The following PPCDC variants were observed in gnomAD, a reference collection of about 807,000 sequenced individuals.
PPCDC encodes the protein phosphopantothenoylcysteine decarboxylase.
A neutral mutation model predicts 20.7 loss-of-function variants in PPCDC; 20 were observed. The ratio of observed to expected loss-of-function variants is 0.97; its 90% CI spans 0.68 to 1.41. PPCDC has a LOEUF of 1.41. Ranked by LOEUF, PPCDC falls within the 40% of genes most tolerant of loss-of-function variation. The pLI, the probability that PPCDC is intolerant of heterozygous loss-of-function variation, is 0.00. For missense variants in PPCDC, 246 were observed against 263.8 expected, an observed-to-expected ratio of 0.93 and a Z score of 0.47; for synonymous variants, 88 against 100.3, an observed-to-expected ratio of 0.88 and a Z score of 0.73.
intron 2 of PPCDC, among the ~76,000 whole-genome samples, chr15:75,034,905 A>G (rs2066067111): frequency 6.6e-6 from 1 of 152,118 alleles, no homozygotes; most frequent in Non-Finnish European, 1.5e-5. Context: ...CTTTTCTTGT[A>G]TATGCCAGAG....
At chr15:75,025,230 G>C (rs2065947388) in intron 1 of PPCDC, among the ~76,000 whole-genome samples, 1 of 152,194 alleles carries the variant, frequency 6.6e-6, no homozygotes, top group Non-Finnish European at 1.5e-5. Flanking sequence ...CCGGTAGTGA[G>C]GGGCTTTGAT....
At chr15:75,035,582 A>G (rs145331250) in intron 2 of PPCDC, among the ~76,000 whole-genome samples, 22 of 152,224 alleles carry the variant, frequency 1.4e-4, no homozygotes, top group Admixed American at 1.4e-3. Flanking sequence ...TACATGCTAG[A>G]TAAAATGCAG....
At chr15:75,035,835 C>T (rs758408303) in intron 2 of PPCDC, among the ~76,000 whole-genome samples, 1 of 151,796 alleles carries the variant, frequency 6.6e-6, no homozygotes, top group Non-Finnish European at 1.5e-5. Flanking sequence ...GGCGTGGTGG[C>T]GCACAACTGT....
At chr15:75,025,932 A>G (rs868819301) in intron 1 of PPCDC, among the ~76,000 whole-genome samples, 1 of 152,208 alleles carries the variant, frequency 6.6e-6, no homozygotes, top group South Asian at 2.1e-4. Flanking sequence ...TATTAAGCAC[A>G]CACATACACA....
At chr15:75,043,228 G>A in intron 2 of PPCDC, 2 of 497,204 alleles carry the variant, frequency 4.0e-6, no homozygotes, top group Admixed American at 7.9e-5. Flanking sequence ...AGATAGGGAA[G>A]TGAAACAGCC....
Position 75,044,251 on chromosome 15 carries a change from T to G in PPCDC, c.232-135T>G. 4.7e-6 allele frequency: 6 copies of G among 1,285,260 alleles called. No individual in the cohort carries two copies. The South Asian group carries it at 7.9e-5, about 17-fold the overall frequency. 79.6% of individuals were successfully genotyped at this position (1,285,260 alleles called of 1,614,324 possible). A position where few individuals can be genotyped will look rare whatever the true frequency, so the allele number is the denominator to read the frequency against. ...CATGGCTAGCGCTCGCCAGCTTAGC[T>G]GCAGGAGGGAACGGAGGTTGGCCTG... is the stretch of plus-strand genomic sequence containing the variant. On this transcript the variant is annotated intron_variant, in intron 3 of 5. Transcript: ENST00000342932.
At chr15:75,026,859 C>T (rs1056969719) in intron 1 of PPCDC, among the ~76,000 whole-genome samples, 1 of 152,134 alleles carries the variant, frequency 6.6e-6, no homozygotes, top group African/African-American at 2.4e-5. Flanking sequence ...CTGCATTTTT[C>T]AGATGAAGGG....
chr15:75,043,021 T>C (rs1443046586), intron 2 of PPCDC, among the ~76,000 whole-genome samples: 1 of 152,254 alleles, frequency 6.6e-6, no homozygotes, highest in African/African-American at 2.4e-5. Context: ...GCAGAGCTGC[T>C]GTGTGGCACA....
At chr15:75,039,501 C>T (rs1366114963) in intron 2 of PPCDC, among the ~76,000 whole-genome samples, 1 of 152,170 alleles carries the variant, frequency 6.6e-6, no homozygotes, top group African/African-American at 2.4e-5. Flanking sequence ...TTAGCTGTTC[C>T]TTCTACAGGT....
At chr15:75,038,839 C>CT (rs2066116141) in intron 2 of PPCDC, among the ~76,000 whole-genome samples, 2 of 152,044 alleles carry the variant, frequency 1.3e-5, no homozygotes, top group South Asian at 2.1e-4. Context: ...ATTTTCTCAT[C>CT]TTTTTTCTAC....
intron 2 of PPCDC, among the ~76,000 whole-genome samples, chr15:75,042,296 C>A (rs1444089972): frequency 2.0e-5 from 3 of 152,114 alleles, no homozygotes; most frequent in African/African-American, 7.2e-5. Flanking sequence ...CCCTATACAC[C>A]CCTCTCCCCA....
chr15:75,034,007 G>A (rs1007365635), intron 2 of PPCDC, among the ~76,000 whole-genome samples: 3 of 152,228 alleles, frequency 2.0e-5, no homozygotes, highest in Admixed American at 2.0e-4. Flanking sequence ...ATGAGAGCAC[G>A]ACTGTTTCCT....
intron 1 of PPCDC, among the ~76,000 whole-genome samples, chr15:75,025,502 C>T (rs1440509573): frequency 6.6e-6 from 1 of 152,198 alleles, no homozygotes; most frequent in African/African-American, 2.4e-5. Context: ...TCAGAGGAGA[C>T]TTAAACATCA....
chr15:75,035,401 T>A (rs1327692810), intron 2 of PPCDC, among the ~76,000 whole-genome samples: 1 of 152,152 alleles, frequency 6.6e-6, no homozygotes, highest in African/African-American at 2.4e-5. Context: ...CCTTTGATAA[T>A]CTGCCCCAGA....
chr15:75,035,775 T>G (rs988919576), intron 2 of PPCDC, among the ~76,000 whole-genome samples: 17 of 152,078 alleles, frequency 1.1e-4, no homozygotes, highest in Admixed American at 3.3e-4. Flanking sequence ...GAAACCAGCC[T>G]GGCCAACATG....
In PPCDC at chr15:75,049,158, G is replaced by A. The variant is rs1424267761; in HGVS notation, c.538G>A (p.Ala180Thr). 3.1e-6 allele frequency: 5 copies of A among 1,614,138 alleles called. No individual in the cohort carries two copies. In the South Asian group the frequency reaches 3.3e-5, roughly 11 times the overall value. Residue 180 changes from alanine (A) to threonine (T), a missense_variant, in exon 6 of 6, where the codon GCC becomes ACC. By Grantham distance (58) the Ala-to-Thr change is moderately conservative (BLOSUM62 0). This residue lies in a region of PPCDC where 21 missense variants were observed against 41.2 expected (regional missense o/e 0.51). Coordinates refer to ENST00000342932, the MANE Select transcript of PPCDC (RefSeq NM_021823.5). The stretch of plus-strand genomic sequence containing the variant: ...CGGAATTTTGCTCCCAGGTCTCGGG[G>A]CCATGGCTGAAGTGGGGACCATCGT... ...KLVCGDEGLG[A>T]MAEVGTIVDK...
At chr15:75,042,289 T>C (rs1418019019) in intron 2 of PPCDC, among the ~76,000 whole-genome samples, 1 of 152,202 alleles carries the variant, frequency 6.6e-6, no homozygotes, top group Non-Finnish European at 1.5e-5. Flanking sequence ...TGTGGTTCCC[T>C]ATACACCCCT....
intron 2 of PPCDC, among the ~76,000 whole-genome samples, chr15:75,037,751 G>GT (rs1207338275): frequency 6.6e-6 from 1 of 152,094 alleles, no homozygotes; most frequent in South Asian, 2.1e-4. Context: ...TGTTGTTGTT[G>GT]TTGTTTTTAA....
Position 75,049,241 on chromosome 15 carries a change from G to T in PPCDC, c.*6G>T. Reference sequence around the variant, plus strand: ...GTGGCTTCCAGCAGAGTTGACCTGGGATTTCTGTCATGGGTGTCCCTCTGT... The same window carrying T: ...GTGGCTTCCAGCAGAGTTGACCTGGTATTTCTGTCATGGGTGTCCCTCTGT... On this transcript the variant is annotated 3_prime_UTR_variant, in exon 6 of 6. Coordinates refer to ENST00000342932, the MANE Select transcript of PPCDC (RefSeq NM_021823.5). 6.2e-7 allele frequency: 1 copy of T among 1,613,292 alleles called. No homozygotes were observed. The highest frequency in any genetic ancestry group is 8.5e-7 in the Non-Finnish European group (1 of 1,179,194).
Sources: gnomAD v4.1 joint callset for allele counts (sites outside exome capture counted in the v4.1 genomes callset) on GRCh38, gnomAD v4.1.1 for gene constraint, gnomAD v4.1.1 regional missense constraint, MANE v1.5 for transcripts, NCBI Gene and HGNC (gene_info 2026-07-23, HGNC 2026-07-21) for gene names.